The following TMEM209 variants were observed in gnomAD, a reference collection of about 807,000 sequenced individuals.
TMEM209 encodes testicular tissue protein Li 202.
In TMEM209, 65 loss-of-function variants were observed where a neutral mutation model predicts 76.2. The observed-to-expected ratio is 0.85, with a 90% confidence interval of 0.70 to 1.05. TMEM209 has a LOEUF of 1.05. Ranked by LOEUF, TMEM209 falls within the 50% of genes least tolerant of loss-of-function variation. TMEM209 has a pLI of 0.00. For missense variants in TMEM209, 623 were observed against 685.5 expected, an observed-to-expected ratio of 0.91 and a Z score of 1.02; for synonymous variants, 239 against 237.6, an observed-to-expected ratio of 1.01 and a Z score of -0.06.
intron 9 of TMEM209, among the ~76,000 whole-genome samples, chr7:130,179,250 A>G (rs1397464295): frequency 6.6e-6 from 1 of 152,156 alleles, no homozygotes; most frequent in Non-Finnish European, 1.5e-5. Flanking sequence ...AATAAATGAA[A>G]GAAAGCATTT....
In TMEM209 at chr7:130,181,689, C is replaced by T; in HGVS notation, c.1054G>A (p.Val352Ile). Residue 352 changes from valine (V) to isoleucine (I), a missense_variant, in exon 9 of 15, where the codon GTT becomes ATT. Transcript: ENST00000397622. ...GTGCTGACAGACTCAATCTCTTGAA[C>T]AAGTGGCACTAATATTGTCTCATTG... ...WINETILVPL[V>I]QEIESVSTQM... 1.2e-6 allele frequency: 2 copies of T among 1,611,084 alleles called. No homozygotes were observed. Among genetic ancestry groups the T allele is most frequent in the Middle Eastern group, 1.7e-4 (1 of 6,058 alleles).
intron 5 of TMEM209, among the ~76,000 whole-genome samples, chr7:130,195,957 G>A (rs553482107): frequency 1.3e-5 from 2 of 151,848 alleles, no homozygotes; most frequent in South Asian, 2.1e-4. Context: ...TACTATATTC[G>A]CCTTATGAGT....
intron 7 of TMEM209, among the ~76,000 whole-genome samples, chr7:130,184,642 G>A (rs1336021149): frequency 1.3e-5 from 2 of 151,900 alleles, no homozygotes; most frequent in Non-Finnish European, 1.5e-5. Context: ...ACAGGCACAC[G>A]CCACCATGCT....
At chr7:130,190,428 G>A (rs1797753925) in intron 6 of TMEM209, among the ~76,000 whole-genome samples, 1 of 151,858 alleles carries the variant, frequency 6.6e-6, no homozygotes. Context: ...TGAGGCAGGA[G>A]AATCGCTTGA....
chr7:130,171,226 A>C (rs1797057345), intron 13 of TMEM209, among the ~76,000 whole-genome samples: 1 of 152,230 alleles, frequency 6.6e-6, no homozygotes, highest in African/African-American at 2.4e-5. Context: ...GTCATACTTT[A>C]AAATATATCA....
intron 6 of TMEM209, among the ~76,000 whole-genome samples, chr7:130,189,705 G>T (rs769480276): frequency 2.6e-5 from 4 of 152,138 alleles, no homozygotes; most frequent in Non-Finnish European, 5.9e-5. Flanking sequence ...TGTATAGCTG[G>T]ACTGGAACTA....
At chr7:130,202,728 A>C (rs1584701649) in intron 3 of TMEM209, 65 bp from the exon 4 acceptor site, 5 of 1,506,260 alleles carry the variant, frequency 3.3e-6, no homozygotes, top group Non-Finnish European at 4.4e-6. Context: ...GAACACAAAA[A>C]CCCTCTATAC....
chr7:130,193,368 G>A (rs1797862617), intron 5 of TMEM209, among the ~76,000 whole-genome samples: 1 of 152,050 alleles, frequency 6.6e-6, no homozygotes, highest in Non-Finnish European at 1.5e-5. Context: ...GAGAAACCCT[G>A]TGTCTACTTA....
chr7:130,205,029 A>T, intron 1 of TMEM209: 1 of 1,255,670 alleles, frequency 8.0e-7, no homozygotes, highest in South Asian at 2.1e-5. Flanking sequence ...GTTTTGGTCC[A>T]CATTTGGGAT....
intron 9 of TMEM209, among the ~76,000 whole-genome samples, chr7:130,180,371 A>C (rs777452661): frequency 2.0e-5 from 3 of 151,972 alleles, no homozygotes; most frequent in Non-Finnish European, 4.4e-5. Context: ...TCAAAAAGAC[A>C]TTTCTTTTTT....
chr7:130,205,279 T>G, intron 1 of TMEM209, 94 bp downstream of exon 1: 8 of 1,612,474 alleles, frequency 5.0e-6, no homozygotes, highest in South Asian at 1.1e-5. Context: ...CACATCCCCC[T>G]TGGCTGAACC....
At chr7:130,198,976 TAA>T (rs1304481601) in intron 5 of TMEM209, among the ~76,000 whole-genome samples, 1 of 152,234 alleles carries the variant, frequency 6.6e-6, no homozygotes, top group Non-Finnish European at 1.5e-5. Flanking sequence ...TTGATAATGC[TAA>T]AGTCTTCCAA....
chr7:130,192,532 T>A, intron 6 of TMEM209, 90 bp downstream of exon 6: 1 of 1,084,356 alleles, frequency 9.2e-7, no homozygotes, highest in Non-Finnish European at 1.4e-6. Flanking sequence ...TAATAAAGTA[T>A]GTTAGTATGG....
At chr7:130,197,224 T>C (rs1798017839) in intron 5 of TMEM209, among the ~76,000 whole-genome samples, 1 of 152,156 alleles carries the variant, frequency 6.6e-6, no homozygotes, top group Non-Finnish European at 1.5e-5. Context: ...AGCCAAAAGG[T>C]GGAAGCCATC....
At chr7:130,185,406 C>A in intron 6 of TMEM209, 39 bp from the exon 7 acceptor site, 1 of 1,570,268 alleles carries the variant, frequency 6.4e-7, no homozygotes, top group Non-Finnish European at 8.7e-7. Flanking sequence ...TGTGTTGTAG[C>A]AATTCTGACA....
intron 8 of TMEM209, among the ~76,000 whole-genome samples, chr7:130,183,704 C>T (rs1797500996): frequency 6.6e-6 from 1 of 152,154 alleles, no homozygotes; most frequent in Non-Finnish European, 1.5e-5. Context: ...CTCACTCACT[C>T]TGTATATGGA....
At chr7:130,185,041 T>A in intron 7 of TMEM209, 151 bp downstream of exon 7, 2 of 905,300 alleles carry the variant, frequency 2.2e-6, no homozygotes, top group South Asian at 2.0e-5. Flanking sequence ...GCACACAAAG[T>A]AAGACAGGAG....
chr7:130,202,721 C>T (rs1291603041), intron 3 of TMEM209, 58 bp from the exon 4 acceptor site: 1 of 1,550,558 alleles, frequency 6.4e-7, no homozygotes, highest in Admixed American at 2.0e-5. Context: ...TATTGGAGAA[C>T]ACAAAAACCC....
In TMEM209 at chr7:130,170,406, A is replaced by G; in HGVS notation, c.1625T>C (p.Met542Thr). The stretch of plus-strand genomic sequence containing the variant: ...TTAAAGCATAAGTACCTACCCAAGC[A>G]TTCCTGACTCTTTGGTCTTTATGAT... ...LYIIKTKESG[M>T]LGRVNLGLSG... The change falls in exon 14 of 15, where the codon ATG becomes ACG. Residue 542 changes from methionine to threonine, a missense_variant. Transcript: ENST00000397622. The G allele has an allele frequency of 6.2e-7, 1 of 1,612,122 alleles. No homozygotes were observed. Among genetic ancestry groups the G allele is most frequent in the Non-Finnish European group, 8.5e-7 (1 of 1,179,158 alleles).
Sources: gnomAD v4.1 joint callset for allele counts (sites outside exome capture counted in the v4.1 genomes callset) on GRCh38, gnomAD v4.1.1 for gene constraint, MANE v1.5 for transcripts, NCBI Gene and HGNC (gene_info 2026-07-23, HGNC 2026-07-21) for gene names.